The following OPCML variants were observed in gnomAD, a reference collection of about 807,000 sequenced individuals.
OPCML encodes opioid binding protein/cell adhesion molecule like.
OPCML carries 13 observed loss-of-function variants against 37.8 expected under a neutral mutation model. The observed-to-expected ratio is 0.34, with a 90% CI of 0.22 to 0.55. OPCML has a LOEUF of 0.55. OPCML is among the 20% of genes least tolerant of loss of function. The probability of loss-of-function intolerance (pLI) is 0.91; values close to 1 mark genes in which losing one functional copy is unlikely to be tolerated. For missense variants in OPCML, 341 were observed against 435.6 expected, an observed-to-expected ratio of 0.78 and a Z score of 1.93; for synonymous variants, 176 against 168.8, an observed-to-expected ratio of 1.04 and a Z score of -0.33.
chr11:132,499,651 T>C (rs2096241486), intron 4 of OPCML, among the ~76,000 whole-genome samples: 1 of 152,212 alleles, frequency 6.6e-6, no homozygotes, highest in Non-Finnish European at 1.5e-5. Context: ...GCCTCTCTGA[T>C]CTTAGACAAT....
At chr11:133,151,959 C>T (rs1452774818) in intron 1 of OPCML, among the ~76,000 whole-genome samples, 2 of 152,194 alleles carry the variant, frequency 1.3e-5, no homozygotes, top group Admixed American at 6.5e-5. Context: ...AGCTCTTGAC[C>T]TTCCAGAGGG....
intron 2 of OPCML, among the ~76,000 whole-genome samples, chr11:132,821,197 G>C (rs538276205): frequency 6.6e-6 from 1 of 152,200 alleles, no homozygotes; most frequent in Non-Finnish European, 1.5e-5. Context: ...CTGGCAGAAC[G>C]AAGCTGAGAT....
chr11:132,887,687 G>C lies in OPCML; in HGVS notation c.146+55239C>G, dbSNP rs138691361. Among the ~76,000 whole-genome samples the C allele has an allele frequency of 3.6e-3, 549 of 152,292 alleles. 6 individuals carry two copies. The highest frequency in any genetic ancestry group is 0.013 in the African/African-American group (523 of 41,554). ...GATCACTTTTTGCTTCCTTTTCAGA[G>C]CAAGGGATTGAAATATGAGAGAAAC... On this transcript the variant is annotated intron_variant, in intron 2 of 7. Transcript: ENST00000524381.
At chr11:132,663,643 C>A (rs1942081875) in intron 2 of OPCML, among the ~76,000 whole-genome samples, 1 of 152,164 alleles carries the variant, frequency 6.6e-6, no homozygotes, top group Admixed American at 6.5e-5. Flanking sequence ...GCCTTCCTAC[C>A]AGCAAAAGCT....
chr11:133,367,984 A>G (rs2136742255), intron 1 of OPCML, among the ~76,000 whole-genome samples: 1 of 152,338 alleles, frequency 6.6e-6, no homozygotes, highest in South Asian at 2.1e-4. Flanking sequence ...ATGGGAAATT[A>G]CATTCCTTGT....
intron 2 of OPCML, among the ~76,000 whole-genome samples, chr11:132,779,561 G>C (rs1369325796): frequency 6.6e-6 from 1 of 151,772 alleles, no homozygotes; most frequent in Non-Finnish European, 1.5e-5. Flanking sequence ...ACAGAAGGGG[G>C]GCGTGGGGAG....
chr11:133,157,437 A>G (rs1433856740), intron 1 of OPCML, among the ~76,000 whole-genome samples: 3 of 152,084 alleles, frequency 2.0e-5, no homozygotes, highest in Non-Finnish European at 4.4e-5. Context: ...GCAAAGGGAG[A>G]TTGTTTTATA....
chr11:133,397,660 A>T (rs1372260430), intron 1 of OPCML, among the ~76,000 whole-genome samples: 1 of 152,244 alleles, frequency 6.6e-6, no homozygotes, highest in Non-Finnish European at 1.5e-5. Context: ...TGTTCTCTGA[A>T]AACAGAAAGC....
intron 3 of OPCML, among the ~76,000 whole-genome samples, chr11:132,640,054 A>G (rs1940756480): frequency 6.6e-6 from 1 of 152,230 alleles, no homozygotes; most frequent in Admixed American, 6.5e-5. Flanking sequence ...TACAGCCACA[A>G]TAGGTACTTT....
At chr11:133,384,315 C>G (rs958475584) in intron 1 of OPCML, among the ~76,000 whole-genome samples, 2 of 150,822 alleles carry the variant, frequency 1.3e-5, no homozygotes, top group Non-Finnish European at 2.9e-5. Flanking sequence ...ACTGATTTAT[C>G]ACCTCCCACC....
chr11:133,129,336 A>C (rs1003760017), intron 1 of OPCML, among the ~76,000 whole-genome samples: 3 of 152,156 alleles, frequency 2.0e-5, no homozygotes, highest in Non-Finnish European at 2.9e-5. Context: ...GGCCAAGAAG[A>C]GTGCTTGCTC....
At chr11:132,679,397 A>G (rs1357447007) in intron 2 of OPCML, among the ~76,000 whole-genome samples, 2 of 152,250 alleles carry the variant, frequency 1.3e-5, no homozygotes, top group Admixed American at 6.5e-5. Flanking sequence ...ACATGGTGAA[A>G]TATATTCAGC....
intron 3 of OPCML, among the ~76,000 whole-genome samples, chr11:132,637,573 C>A (rs1940586260): frequency 6.6e-6 from 1 of 152,032 alleles, no homozygotes; most frequent in African/African-American, 2.4e-5. Flanking sequence ...TTTTTGGCTT[C>A]CTAGTACTTC....
intron 1 of OPCML, among the ~76,000 whole-genome samples, chr11:133,098,359 G>A (rs1025257876): frequency 6.6e-6 from 1 of 151,810 alleles, no homozygotes; most frequent in Non-Finnish European, 1.5e-5. Flanking sequence ...GGGACTACAG[G>A]CGCCCGCCAC....
intron 1 of OPCML, among the ~76,000 whole-genome samples, chr11:133,126,425 G>A (rs533065831): frequency 6.6e-6 from 1 of 152,220 alleles, no homozygotes; most frequent in Non-Finnish European, 1.5e-5. Flanking sequence ...GACACACCCA[G>A]AAATAATGTG....
At chr11:133,241,478 A>C (rs561515285) in intron 1 of OPCML, among the ~76,000 whole-genome samples, 4 of 152,246 alleles carry the variant, frequency 2.6e-5, no homozygotes, top group African/African-American at 9.6e-5. Flanking sequence ...TGCTTCCAGC[A>C]TATGGTCAGA....
intron 1 of OPCML, among the ~76,000 whole-genome samples, chr11:133,257,860 T>C (rs1295108540): frequency 3.3e-5 from 5 of 152,016 alleles, no homozygotes; most frequent in Non-Finnish European, 7.4e-5. Flanking sequence ...TTTTTTTTTT[T>C]TTAACTTTCC....
intron 1 of OPCML, among the ~76,000 whole-genome samples, chr11:133,020,131 C>A (rs1049710707): frequency 1.3e-5 from 2 of 152,234 alleles, no homozygotes; most frequent in African/African-American, 4.8e-5. Context: ...CATTACAATG[C>A]AGTCACTCGC....
intron 4 of OPCML, among the ~76,000 whole-genome samples, chr11:132,501,931 G>A (rs1221545958): frequency 6.6e-6 from 1 of 152,138 alleles, no homozygotes; most frequent in Non-Finnish European, 1.5e-5. Flanking sequence ...TCTGAGTCAT[G>A]TTTCTGTGCG....
Sources: allele counts gnomAD v4.1 joint callset (sites outside exome capture counted in the v4.1 genomes callset), GRCh38; gene constraint gnomAD v4.1.1; transcripts MANE v1.5; gene names NCBI Gene and HGNC (gene_info 2026-07-23, HGNC 2026-07-21).